The following RNASET2 variants were observed in gnomAD, a reference collection of about 807,000 sequenced individuals.
The protein encoded by RNASET2 is ribonuclease 6.
RNASET2 carries 28 observed loss-of-function variants against 33.9 expected under a neutral mutation model. The ratio of observed to expected loss-of-function variants is 0.83; its 90% CI spans 0.61 to 1.13. RNASET2 has a LOEUF of 1.13. RNASET2 is among the 50% of genes most tolerant of loss of function. The pLI is 0.00. For synonymous variants in RNASET2, 123 were observed against 121.0 expected (o/e 1.02, Z -0.11); for missense variants, 330 against 319.9 (o/e 1.03, Z -0.24).
Position 166,928,729 on chromosome 6 carries a change from C to T in RNASET2, c.*859G>A, listed in dbSNP as rs2128643414. On this transcript the variant is annotated 3_prime_UTR_variant, in exon 9 of 9. Coordinates refer to ENST00000508775, the MANE Select transcript of RNASET2 (RefSeq NM_003730.6). Reference sequence around the variant, plus strand: ...ATGCCTCACTCCACGAGTGAAATCCCTGCACGGCAGGCCGAGAGCGTGGGT... The same window carrying T: ...ATGCCTCACTCCACGAGTGAAATCCTTGCACGGCAGGCCGAGAGCGTGGGT... Among the ~76,000 whole-genome samples, 1 of 152,338 alleles carries T rather than the reference C, an allele frequency of 6.6e-6. No individual in the cohort carries two copies. The highest frequency in any genetic ancestry group is 2.4e-5 in the African/African-American group (1 of 41,580).
chr6:166,951,195 C>T (rs899558402), intron 2 of RNASET2, among the ~76,000 whole-genome samples: 7 of 152,326 alleles, frequency 4.6e-5, no homozygotes, highest in African/African-American at 1.4e-4. Flanking sequence ...GGCCAGCTTA[C>T]GCCATTATTT....
intron 6 of RNASET2, among the ~76,000 whole-genome samples, chr6:166,938,280 C>T (rs1778614482): frequency 6.6e-6 from 1 of 152,038 alleles, no homozygotes; most frequent in Non-Finnish European, 1.5e-5. Context: ...AAGGGCACAC[C>T]CTGGCTCTCT....
chr6:166,942,012 C>T (rs1778703147), intron 5 of RNASET2, among the ~76,000 whole-genome samples: 1 of 151,336 alleles, frequency 6.6e-6, no homozygotes, highest in Non-Finnish European at 1.5e-5. Context: ...CACTTTCTCT[C>T]CTCCCTAAGT....
At position 166,944,128 on chromosome 6, in the gene RNASET2, C is replaced by A. The variant is rs1778768913; in HGVS notation, c.262-1039G>T. On this transcript the variant is annotated intron_variant, in intron 4 of 8. Coordinates refer to ENST00000508775, the MANE Select transcript of RNASET2 (RefSeq NM_003730.6). ...AGTGAGACTCCATCTTAAAAAAAAA[C>A]AAAACGAAACCATCAGTTAAAACAA... 2.6e-5 allele frequency: 4 copies of A among 154,214 alleles called. 1 individual carries two copies. The highest frequency in any genetic ancestry group is 5.7e-5 in the Non-Finnish European group (4 of 69,584). The allele number at this position is 154,214 out of a possible 1,614,324, so 9.6% of individuals were successfully genotyped here.
Position 166,929,595 on chromosome 6 carries a change from T to G in RNASET2, c.764A>C (p.Lys255Thr). Reference protein sequence around the residue: ...PVFYPPPKKTKH With the variant: ...PVFYPPPKKTTH ...ATTTCCAAAACTTGGGCATCAATGC[T>G]TGGTCTTTTTAGGTGGGGGATAGAA... is the stretch of plus-strand genomic sequence containing the variant. The change falls in exon 9 of 9, where the codon AAG becomes ACG. Residue 255 changes from lysine to threonine, a missense_variant. By Grantham distance (78) the Lys-to-Thr change is moderately conservative (BLOSUM62 -1). Coordinates refer to ENST00000508775, the MANE Select transcript of RNASET2 (RefSeq NM_003730.6). 6.2e-7 allele frequency: 1 copy of G among 1,614,168 alleles called. No homozygotes were observed.
chr6:166,955,275 ACACACGACACACACGCACAGACG>A (rs1779104988), intron 1 of RNASET2, among the ~76,000 whole-genome samples: 1 of 83,736 alleles, frequency 1.2e-5, no homozygotes, highest in Non-Finnish European at 2.1e-5. Flanking sequence ...ACACACGCGC[ACACACGACACACACGCACAGACG>A]CGCACACACG....
Position 166,956,248 on chromosome 6 carries a change from G to T in RNASET2, c.-66C>A. The T allele has an allele frequency of 7.2e-7, 1 of 1,395,120 alleles. No homozygotes were observed. Among genetic ancestry groups the T allele is most frequent in the South Asian group, 1.2e-5 (1 of 80,910 alleles). 86.4% of individuals were successfully genotyped at this position (1,395,120 alleles called of 1,614,324 possible). Reference sequence around the variant, plus strand: ...GGCTCCCACTTCCCACCTGCTGCCCGAGGAAGACTTCCGGGAGAAACGCTG... The same window carrying T: ...GGCTCCCACTTCCCACCTGCTGCCCTAGGAAGACTTCCGGGAGAAACGCTG... On this transcript the variant is annotated 5_prime_UTR_variant, in exon 1 of 9. Transcript: ENST00000508775.
chr6:166,929,297 T>C lies in RNASET2; in HGVS notation c.*291A>G, dbSNP rs760590385. Among the ~76,000 whole-genome samples the C allele has an allele frequency of 1.3e-5, 2 of 151,710 alleles. No homozygotes were observed. The highest frequency in any genetic ancestry group is 2.9e-5 in the Non-Finnish European group (2 of 67,954). On this transcript the variant is annotated 3_prime_UTR_variant, in exon 9 of 9. Coordinates refer to ENST00000508775, the MANE Select transcript of RNASET2 (RefSeq NM_003730.6). ...CTGAATCGGTGCCATCTGTCTAAAT[T>C]CCAAGTATGCCTGCCTGATCTACCA...
At chr6:166,930,389 TACATGA>T (rs1778390762) in intron 8 of RNASET2, among the ~76,000 whole-genome samples, 1 of 151,572 alleles carries the variant, frequency 6.6e-6, no homozygotes, top group African/African-American at 2.4e-5. Context: ...ATACACACAG[TACATGA>T]ACATGTTCAT....
rs1335531101 is a variant in RNASET2 at position 166,927,487 on chromosome 6, C to T, written c.*2101G>A. On this transcript the variant is annotated 3_prime_UTR_variant, in exon 9 of 9. Transcript: ENST00000508775. ...TGGCGTCCCCATCCGCTCTCAAATG[C>T]TCACACTCATATAATAAATACACGC... 2.6e-5 allele frequency among the ~76,000 whole-genome samples: 4 copies of T among 152,016 alleles called. No individual in the cohort carries two copies. The highest frequency in any genetic ancestry group is 4.4e-5 in the Non-Finnish European group (3 of 68,004).
At chr6:166,953,343 C>T (rs1779033534) in intron 1 of RNASET2, 1 of 152,284 alleles carries the variant, frequency 6.6e-6, no homozygotes, top group South Asian at 2.1e-4. Context: ...CTTAACGAGA[C>T]TGAAGTAAAA....
chr6:166,955,197 G>GCACACGCACA (rs1279464424), intron 1 of RNASET2, among the ~76,000 whole-genome samples: 1,835 of 119,006 alleles, frequency 0.015, 118 homozygotes, highest in African/African-American at 0.064. Context: ...ACGCACACAC[G>GCACACGCACA]CACGCACACA....
intron 4 of RNASET2, 36 bp from the exon 5 acceptor site, chr6:166,943,125 T>C: frequency 6.6e-7 from 1 of 1,516,644 alleles, no homozygotes; most frequent in South Asian, 1.2e-5. Flanking sequence ...CTACGCAGGT[T>C]CTTAATAATA....
chr6:166,946,312 T>TCCCACGTC (rs979785967), intron 4 of RNASET2, among the ~76,000 whole-genome samples: 2 of 152,172 alleles, frequency 1.3e-5, no homozygotes, highest in African/African-American at 4.8e-5. Context: ...CCGACCAGAT[T>TCCCACGTC]CCCACGTCGG....
chr6:166,943,922 C>T (rs1583226347), intron 4 of RNASET2: 1 of 291,614 alleles, frequency 3.4e-6, no homozygotes, highest in East Asian at 1.2e-4. Context: ...GAGATCGAGA[C>T]CATCCTGGCC....
intron 2 of RNASET2, among the ~76,000 whole-genome samples, chr6:166,948,996 C>T (rs1229002463): frequency 6.6e-6 from 1 of 151,944 alleles, no homozygotes; most frequent in Non-Finnish European, 1.5e-5. Context: ...GGGTAGATCA[C>T]CTGAGGTCAG....
At chr6:166,955,239 GCACACACACGCACACACGCACACACA>G (rs1779095169) in intron 1 of RNASET2, among the ~76,000 whole-genome samples, 3 of 66,324 alleles carry the variant, frequency 4.5e-5, no homozygotes, top group African/African-American at 2.0e-4. Context: ...ACGCACGCAC[GCACACACACGCACACACGCACACACA>G]CACACGCGCA....
Position 166,956,306 on chromosome 6 carries a change from G to A in RNASET2, c.-124C>T, listed in dbSNP as rs1779165511. Reference sequence around the variant, plus strand: ...GCCCCCGCGCCGCCGCGCTCCCTCCGCTGCAGCAGCGGCCACCGGGTGCGC... The same window carrying A: ...GCCCCCGCGCCGCCGCGCTCCCTCCACTGCAGCAGCGGCCACCGGGTGCGC... On this transcript the variant is annotated 5_prime_UTR_variant, in exon 1 of 9. Coordinates refer to ENST00000508775, the MANE Select transcript of RNASET2 (RefSeq NM_003730.6). The A allele has an allele frequency of 1.0e-6, 1 of 955,370 alleles. No homozygotes were observed. The highest frequency in any genetic ancestry group is 1.6e-5 in the African/African-American group (1 of 61,716). The allele number at this position is 955,370 out of a possible 1,614,324, so 59.2% of individuals were successfully genotyped here.
Position 166,922,588 on chromosome 6 carries a change from G to T in RNASET2, c.*7000C>A, listed in dbSNP as rs945419490. Among the ~76,000 whole-genome samples the T allele has an allele frequency of 2.1e-4, 32 of 152,202 alleles. No individual in the cohort carries two copies. The highest frequency in any genetic ancestry group is 2.6e-4 in the Non-Finnish European group (18 of 68,030). ...ACATTCAGAGAAAAACCAATCGGGT[G>T]ACATTTCAGTTTTGATTAGTGAGGT... On this transcript the variant is annotated 3_prime_UTR_variant, in exon 9 of 9. Transcript: ENST00000508775.
Sources: allele counts gnomAD v4.1 joint callset (sites outside exome capture counted in the v4.1 genomes callset), GRCh38; gene constraint gnomAD v4.1.1; transcripts MANE v1.5; gene names NCBI Gene and HGNC (gene_info 2026-07-23, HGNC 2026-07-21).